The following ASTE1 variants were observed in gnomAD, a reference collection of about 807,000 sequenced individuals.
ASTE1 encodes the protein asteroid structure-specific endonuclease 1.
ASTE1 carries 49 observed loss-of-function variants against 45.8 expected under a neutral mutation model. The observed-to-expected ratio is 1.07, with a 90% CI of 0.85 to 1.36. ASTE1 has a LOEUF of 1.36. Among genes scored for constraint, ASTE1 ranks in the 40% most tolerant of loss-of-function variants. The pLI is 0.00. For synonymous variants in ASTE1, 296 were observed against 303.9 expected (o/e 0.97, Z 0.27); for missense variants, 709 against 804.0 (o/e 0.88, Z 1.43).
At chr3:131,017,743 G>A (rs960513440) in intron 4 of ASTE1, among the ~76,000 whole-genome samples, 1 of 151,830 alleles carries the variant, frequency 6.6e-6, no homozygotes, top group Non-Finnish European at 1.5e-5. Flanking sequence ...AGGCTGAGGC[G>A]GGTGGATCAC....
At chr3:131,021,573 G>T (rs1302140837) in intron 3 of ASTE1, among the ~76,000 whole-genome samples, 2 of 152,200 alleles carry the variant, frequency 1.3e-5, no homozygotes, top group Non-Finnish European at 2.9e-5. Context: ...GAAGCTTCTA[G>T]GGTGGCGATA....
chr3:131,024,704 A>G lies in ASTE1; in HGVS notation c.603T>C (p.Asp201=). 1 of 1,601,336 alleles carries G rather than the reference A, an allele frequency of 6.2e-7. No homozygotes were observed. The highest frequency in any genetic ancestry group is 8.5e-7 in the Non-Finnish European group (1 of 1,173,650). Residue 201 remains aspartate, a synonymous_variant, in exon 3 of 6, where the codon GAT becomes GAC. Coordinates refer to ENST00000264992, the MANE Select transcript of ASTE1 (RefSeq NM_014065.4). ...NYIPAKCFSL[D]AFCHHFSNMN... ...TATTGCTGAAGTGATGGCAGAATGC[A>G]TCAAGGGAAAAGCATTTGGCAGGGA...
intron 5 of ASTE1, 193 bp downstream of exon 5, chr3:131,015,951 G>A: frequency 1.3e-6 from 1 of 758,960 alleles, no homozygotes; most frequent in Non-Finnish European, 2.2e-6. Context: ...TTGAGAATAT[G>A]GAAATAATTT....
chr3:131,017,005 G>A (rs752352883), intron 4 of ASTE1: 9 of 1,289,192 alleles, frequency 7.0e-6, no homozygotes, highest in Admixed American at 4.6e-5. Context: ...ACCAACTAGC[G>A]AGGAGCAAGA....
intron 1 of ASTE1, among the ~76,000 whole-genome samples, 187 bp from the exon 2 acceptor site, chr3:131,025,781 TCAGTA>T (rs1288569544): frequency 6.6e-6 from 1 of 152,240 alleles, no homozygotes. Flanking sequence ...CATTTGGGCT[TCAGTA>T]AAGTAAGGTG....
At chr3:131,025,727 CTAA>C (rs2063840028) in intron 1 of ASTE1, 133 bp from the exon 2 acceptor site, 1 of 158,676 alleles carries the variant, frequency 6.3e-6, no homozygotes, top group African/African-American at 2.5e-5. Flanking sequence ...GTAAAAAGTC[CTAA>C]GCTAAAAAAA....
chr3:131,017,830 C>T (rs1281740816), intron 4 of ASTE1, among the ~76,000 whole-genome samples: 2 of 151,738 alleles, frequency 1.3e-5, no homozygotes, highest in Admixed American at 6.6e-5. Context: ...ATTAGCTGGG[C>T]GCGGTGACAG....
At chr3:131,022,115 A>G (rs1348356951) in intron 3 of ASTE1, among the ~76,000 whole-genome samples, 1 of 152,210 alleles carries the variant, frequency 6.6e-6, no homozygotes, top group Non-Finnish European at 1.5e-5. Flanking sequence ...AATGAACTAT[A>G]AACACCTGAT....
At chr3:131,020,181 T>C (rs1284809295) in intron 3 of ASTE1, among the ~76,000 whole-genome samples, 1 of 152,260 alleles carries the variant, frequency 6.6e-6, no homozygotes, top group Non-Finnish European at 1.5e-5. Flanking sequence ...TGACCTTTTC[T>C]ACAGTCTGTC....
At position 131,024,785 on chromosome 3, in the gene ASTE1, T is replaced by C. The variant is rs200811519; in HGVS notation, c.522A>G (p.Pro174=). The C allele has an allele frequency of 6.2e-7, 1 of 1,614,182 alleles. No individual in the cohort carries two copies. The highest frequency in any genetic ancestry group is 1.3e-5 in the African/African-American group (1 of 75,040). ...CIFDLKTGFC[P]LNSFQWRNMN... ...TATTTCTCCACTGAAAGCTATTCAA[T>C]GGGCAAAACCCAGTTTTCAGGTCAA... Residue 174 remains proline (P), a synonymous_variant, in exon 3 of 6, where the codon CCA becomes CCG. Transcript: ENST00000264992.
Position 131,024,821 on chromosome 3 carries a change from G to A in ASTE1, c.486C>T (p.Asp162=), listed in dbSNP as rs2063788698. ...WNCPVLSSDS[D]FCIFDLKTGF... Reference sequence around the variant, plus strand: ...CAGTTTTCAGGTCAAAAATGCAAAAGTCACTATCTGATGATAACACAGGGC... The same window carrying A: ...CAGTTTTCAGGTCAAAAATGCAAAAATCACTATCTGATGATAACACAGGGC... The change falls in exon 3 of 6, where the codon GAC becomes GAT. Residue 162 remains aspartate (D), a synonymous_variant. Transcript: ENST00000264992. The A allele has an allele frequency of 1.2e-6, 2 of 1,614,152 alleles. No individual in the cohort carries two copies. Among genetic ancestry groups the A allele is most frequent in the South Asian group, 2.2e-5 (2 of 91,084 alleles).
chr3:131,023,530 G>C (rs1483383556), intron 3 of ASTE1, among the ~76,000 whole-genome samples: 1 of 151,872 alleles, frequency 6.6e-6, no homozygotes, highest in Non-Finnish European at 1.5e-5. Context: ...TTTTAAAAAA[G>C]GTATTCATTA....
Position 131,016,434 on chromosome 3 carries a change from A to G in ASTE1, c.1514-95T>C, listed in dbSNP as rs2063637916. The G allele has an allele frequency of 2.6e-5, 36 of 1,368,266 alleles. No homozygotes were observed. In the South Asian group the frequency reaches 4.2e-4, roughly 16 times the overall value. 84.8% of individuals were successfully genotyped at this position (1,368,266 alleles called of 1,614,324 possible). ...ATACTACAAATTCTATAAAGAAAGA[A>G]ATTAATTTAAAAAAACTAAGATGTT... On this transcript the variant is annotated intron_variant, in intron 4 of 5. Coordinates refer to ENST00000264992, the MANE Select transcript of ASTE1 (RefSeq NM_014065.4).
In ASTE1 at chr3:131,025,131, A is replaced by C. The variant is rs1330690543; in HGVS notation, c.176T>G (p.Val59Gly). The C allele has an allele frequency of 1.9e-6, 3 of 1,614,178 alleles. No homozygotes were observed. In the South Asian group the frequency reaches 3.3e-5, roughly 18 times the overall value. Reference protein sequence around the residue: ...YGGDYDSFADVVQKFFESLFA... With the variant: ...YGGDYDSFADGVQKFFESLFA... ...CAGTGATTCAAAGAATTTTTGTACA[A>C]CATCTGCAAAAGAATCATAGTCCCC... is the stretch of plus-strand genomic sequence containing the variant. The change falls in exon 3 of 6, where the codon GTT (valine) becomes GGT (glycine). Residue 59 changes from valine to glycine, a missense_variant. By Grantham distance (109) the Val-to-Gly change is moderately radical. Transcript: ENST00000264992.
Position 131,024,855 on chromosome 3 carries a change from T to G in ASTE1, c.452A>C (p.His151Pro), listed in dbSNP as rs1185565018. ...ADRDIMTLAN[H>P]WNCPVLSSDS... ...TGATGATAACACAGGGCAATTCCAATGGTTAGCAAGTGTCATAATGTCCCG... is the reference window on the plus strand; with the variant it reads ...TGATGATAACACAGGGCAATTCCAAGGGTTAGCAAGTGTCATAATGTCCCG... Residue 151 changes from histidine (H) to proline (P), a missense_variant, in exon 3 of 6, where the codon CAT (histidine) becomes CCT (proline). Physicochemically the swap from His to Pro is moderately conservative, Grantham distance 77. Transcript: ENST00000264992. The G allele has an allele frequency of 6.2e-7, 1 of 1,614,020 alleles. No homozygotes were observed. Among genetic ancestry groups the G allele is most frequent in the Admixed American group, 1.7e-5 (1 of 60,000 alleles).
At position 131,014,135 on chromosome 3, in the gene ASTE1, C is replaced by T; in HGVS notation, c.1962G>A (p.Trp654Ter). ...RGRTTAHTKC[W>*]YEGNNRFGLL... ...ACCCAAACCGGTTGTTTCCCTCATA[C>T]CAACACTTGGTGTGTGCAGTGGTTC... The change falls in exon 6 of 6, where the codon TGG (tryptophan) becomes TGA (stop). Residue 654 changes from tryptophan (W) to a stop codon, truncating the protein, a stop_gained. Transcript: ENST00000264992. LOFTEE classifies it low-confidence loss of function (END_TRUNC). 6.2e-7 allele frequency: 1 copy of T among 1,613,394 alleles called. No individual in the cohort carries two copies. Among genetic ancestry groups the T allele is most frequent in the East Asian group, 2.2e-5 (1 of 44,882 alleles).
At position 131,024,357 on chromosome 3, in the gene ASTE1, C is replaced by T. The variant is rs1239481838; in HGVS notation, c.950G>A (p.Cys317Tyr). 6.2e-7 allele frequency: 1 copy of T among 1,614,226 alleles called. No homozygotes were observed. Among genetic ancestry groups the T allele is most frequent in the Non-Finnish European group, 8.5e-7 (1 of 1,180,044 alleles). ...QDFFQCGTYV[C>Y]PDALNLGLPE... ...TAAACCAAGATTCAAGGCATCTGGA[C>T]AGACATAAGTACCACACTGGAAGAA... Residue 317 changes from cysteine to tyrosine, a missense_variant, in exon 3 of 6, where the codon TGT (cysteine) becomes TAT (tyrosine). By Grantham distance (194) the Cys-to-Tyr change is radical. Transcript: ENST00000264992.
At chr3:131,020,588 TAAC>T (rs1184578058) in intron 3 of ASTE1, among the ~76,000 whole-genome samples, 1 of 152,198 alleles carries the variant, frequency 6.6e-6, no homozygotes, top group African/African-American at 2.4e-5. Flanking sequence ...AAGTTTTTAT[TAAC>T]AACAGCTGGC....
Position 131,023,131 on chromosome 3 carries a change from A to G in ASTE1, c.1302+874T>C, listed in dbSNP as rs1164811882. 1.3e-5 allele frequency among the ~76,000 whole-genome samples: 2 copies of G among 152,190 alleles called. 1 individual carries two copies. Among genetic ancestry groups the G allele is most frequent in the African/African-American group, 4.8e-5 (2 of 41,444 alleles). ...AGTGCTGGGAGAACTCTGACAGAAA[A>G]GGAAGACCTGACTTAAATCCACTGG... is the stretch of plus-strand genomic sequence containing the variant. On this transcript the variant is annotated intron_variant, in intron 3 of 5. Coordinates refer to ENST00000264992, the MANE Select transcript of ASTE1 (RefSeq NM_014065.4).
Sources: allele counts gnomAD v4.1 joint callset (sites outside exome capture counted in the v4.1 genomes callset), GRCh38; gene constraint gnomAD v4.1.1; transcripts MANE v1.5; gene names NCBI Gene and HGNC (gene_info 2026-07-23, HGNC 2026-07-21).